Variants in RUVBL1 observed in about 807,000 individuals in gnomAD.
RUVBL1 encodes ruvB-like 1.
A neutral mutation model predicts 52.4 loss-of-function variants in RUVBL1; 4 were observed. That is an observed-to-expected ratio of 0.08 (90% CI 0.04 to 0.17). The LOEUF is 0.17. Ranked by LOEUF, RUVBL1 falls within the 10% of genes least tolerant of loss-of-function variation. The pLI is 1.00. For synonymous variants in RUVBL1, 217 were observed against 214.4 expected (o/e 1.01, Z -0.10); for missense variants, 298 against 572.8 (o/e 0.52, Z 4.90).
intron 6 of RUVBL1, among the ~76,000 whole-genome samples, chr3:128,099,791 C>A (rs1045135569): frequency 3.3e-5 from 5 of 152,188 alleles, no homozygotes; most frequent in Non-Finnish European, 7.3e-5. Flanking sequence ...GAACTCAAAA[C>A]CGAACCCCAA....
intron 9 of RUVBL1, among the ~76,000 whole-genome samples, chr3:128,074,889 T>A (rs1392613029): frequency 6.8e-6 from 1 of 147,824 alleles, no homozygotes; most frequent in Non-Finnish European, 1.5e-5. Flanking sequence ...AATCAAGTAC[T>A]GAACTCTAGA....
intron 1 of RUVBL1, among the ~76,000 whole-genome samples, chr3:128,145,896 T>A (rs912477205): frequency 6.6e-6 from 1 of 152,174 alleles, no homozygotes; most frequent in Admixed American, 6.5e-5. Context: ...CCTGTTCCCC[T>A]CCCTGGAGAT....
At chr3:128,072,107 G>A (rs767272345) in intron 9 of RUVBL1, among the ~76,000 whole-genome samples, 6 of 152,316 alleles carry the variant, frequency 3.9e-5, no homozygotes, top group Non-Finnish European at 7.4e-5. Flanking sequence ...CCTCAGACCC[G>A]ACCTGTAGCC....
At chr3:128,114,664 G>A (rs1402790855) in intron 2 of RUVBL1, among the ~76,000 whole-genome samples, 3 of 152,202 alleles carry the variant, frequency 2.0e-5, no homozygotes, top group East Asian at 1.9e-4. Flanking sequence ...CCTCATCCCC[G>A]TTGCCTGCCT....
chr3:128,150,053 A>C (rs1179084969), intron 1 of RUVBL1, among the ~76,000 whole-genome samples: 1 of 151,898 alleles, frequency 6.6e-6, no homozygotes, highest in Non-Finnish European at 1.5e-5. Flanking sequence ...TCTTTCATCA[A>C]TTTCCCTCGG....
rs1943004820 is a variant in RUVBL1 at position 128,097,283 on chromosome 3, G to T, written c.1016+17C>A. On this transcript the variant is annotated intron_variant, in intron 8 of 10. Transcript: ENST00000322623. ...GGAAGTTAAAAAAGCCTTGTGGCTG[G>T]CAGGCAGCCATCCTACCTGATGACA... 1 of 1,608,942 alleles carries T rather than the reference G, an allele frequency of 6.2e-7. No homozygotes were observed. The highest frequency in any genetic ancestry group is 1.1e-5 in the South Asian group (1 of 90,776).
At chr3:128,117,595 A>AT (rs1043035384) in intron 2 of RUVBL1, among the ~76,000 whole-genome samples, 1 of 151,930 alleles carries the variant, frequency 6.6e-6, no homozygotes, top group Non-Finnish European at 1.5e-5. Flanking sequence ...AGCTGAAGAG[A>AT]TTAACGCTGA....
chr3:128,081,605 GTCCA>G lies in RUVBL1; in HGVS notation c.1212-200_1212-197del. On this transcript the variant is annotated intron_variant, in intron 10 of 10. Coordinates refer to ENST00000322623, the MANE Select transcript of RUVBL1 (RefSeq NM_003707.3). This position sits in a 1 kb window ranked among gnomAD's most constrained non-coding sequence, Gnocchi z 4.8. Reference sequence around the variant, plus strand: ...TGCAGTCATTATCCCATCAGAGAGGGTCCAGGAGCCACCAAGAAGACATAAGTGC... The same window carrying G: ...TGCAGTCATTATCCCATCAGAGAGGGGGAGCCACCAAGAAGACATAAGTGC... The G allele has an allele frequency of 1.7e-6, 1 of 582,010 alleles. No homozygotes were observed. Among genetic ancestry groups the G allele is most frequent in the East Asian group, 2.8e-5 (1 of 35,464 alleles). 36.1% of individuals were successfully genotyped at this position (582,010 alleles called of 1,614,324 possible).
chr3:128,080,570 C>A (rs1251997847), downstream of RUVBL1, among the ~76,000 whole-genome samples: 7 of 152,202 alleles, frequency 4.6e-5, no homozygotes, highest in African/African-American at 1.7e-4. Context: ...CTCTAGTCTT[C>A]CTCTCCATAA....
intron 2 of RUVBL1, among the ~76,000 whole-genome samples, chr3:128,116,080 TCACTGCACTCCAGCCTGGGTAACAGAC>T (rs1245228476): frequency 2.0e-5 from 3 of 151,446 alleles, no homozygotes; most frequent in African/African-American, 4.9e-5. Context: ...TGAGCCGAGA[TCACTGCACTCCAGCCTGGGTAACAGAC>T]CACTGCACTC....
chr3:128,143,018 T>A lies in RUVBL1; in HGVS notation c.-40+10185A>T, dbSNP rs182481243. On this transcript the variant is annotated intron_variant, in intron 1 of 9. Transcript: ENST00000464873. ...CTGGTCTCGAACTCCTGACCTCAGA[T>A]GATCCACCCACCTCAGCCTCCCAAA... Among the ~76,000 whole-genome samples, 18 of 151,616 alleles carry A rather than the reference T, an allele frequency of 1.2e-4. No individual in the cohort carries two copies. The East Asian group carries it at 3.5e-3, about 30-fold the overall frequency.
At chr3:128,110,281 G>A (rs1044005335) in intron 3 of RUVBL1, among the ~76,000 whole-genome samples, 3 of 151,992 alleles carry the variant, frequency 2.0e-5, no homozygotes, top group African/African-American at 7.3e-5. Context: ...GTAAGACCCT[G>A]TCTCTAAAAA....
At chr3:128,108,373 G>A (rs1296769553) in intron 3 of RUVBL1, among the ~76,000 whole-genome samples, 1 of 152,052 alleles carries the variant, frequency 6.6e-6, no homozygotes, top group Non-Finnish European at 1.5e-5. Flanking sequence ...CCTCAAAAAT[G>A]GCAAATTACA....
At chr3:128,078,035 C>T (rs1264786622), downstream of RUVBL1, among the ~76,000 whole-genome samples, 2 of 152,216 alleles carry the variant, frequency 1.3e-5, no homozygotes, top group East Asian at 3.8e-4. Flanking sequence ...AAAATGCAAT[C>T]AATACCATGC....
chr3:128,144,256 A>T (rs1397850668), intron 1 of RUVBL1, among the ~76,000 whole-genome samples: 4 of 152,182 alleles, frequency 2.6e-5, no homozygotes, highest in Non-Finnish European at 5.9e-5. Context: ...TAAAGCCAAA[A>T]CTCAAATCAA....
intron 7 of RUVBL1, among the ~76,000 whole-genome samples, chr3:128,097,759 G>GTGT (rs1432635254): frequency 7.2e-5 from 11 of 152,122 alleles, no homozygotes; most frequent in Admixed American, 2.0e-4. Context: ...GGTTGCACAG[G>GTGT]TGTTCTGCAT....
rs776695240 is a variant in RUVBL1 at position 128,067,745 on chromosome 3, A to G, written c.940-2525T>C. Reference sequence around the variant, plus strand: ...ATCGTCGTCCTTTAGGGGGCAGTTCAGAAGCTTTAAGGGCTGACAGATGGA... The same window carrying G: ...ATCGTCGTCCTTTAGGGGGCAGTTCGGAAGCTTTAAGGGCTGACAGATGGA... On this transcript the variant is annotated intron_variant, in intron 9 of 9. Transcript: ENST00000464873. This position sits in a 1 kb window ranked among gnomAD's most constrained non-coding sequence, Gnocchi z 4.1. 2.2e-4 allele frequency: 163 copies of G among 741,714 alleles called. No individual in the cohort carries two copies. Among genetic ancestry groups the G allele is most frequent in the Non-Finnish European group, 3.2e-4 (147 of 454,888 alleles). 45.9% of individuals were successfully genotyped at this position (741,714 alleles called of 1,614,324 possible). A position where few individuals can be genotyped will look rare whatever the true frequency, so the allele number is the denominator to read the frequency against.
intron 9 of RUVBL1, chr3:128,071,149 C>G (rs1322962423): frequency 6.6e-6 from 1 of 152,386 alleles, no homozygotes; most frequent in Non-Finnish European, 1.5e-5. Context: ...CAGTGCTAGC[C>G]AGGAAACAGA....
At chr3:128,113,894 G>A (rs1213171564) in intron 2 of RUVBL1, among the ~76,000 whole-genome samples, 1 of 152,170 alleles carries the variant, frequency 6.6e-6, no homozygotes, top group Non-Finnish European at 1.5e-5. Flanking sequence ...AATAATGAAG[G>A]AATGAATGAA....
Sources: allele counts gnomAD v4.1 joint callset (sites outside exome capture counted in the v4.1 genomes callset), GRCh38; gene constraint gnomAD v4.1.1; non-coding constraint Gnocchi (gnomAD v3.1); transcripts MANE v1.5; gene names NCBI Gene and HGNC (gene_info 2026-07-23, HGNC 2026-07-21).